Variants in LRRFIP2 observed in about 807,000 individuals in gnomAD.
The protein encoded by LRRFIP2 is leucine-rich repeat flightless-interacting protein 2.
A neutral mutation model predicts 125.9 loss-of-function variants in LRRFIP2; 109 were observed. The ratio of observed to expected loss-of-function variants is 0.87; its 90% CI spans 0.74 to 1.01. The LOEUF is 1.01. Among genes scored for constraint, LRRFIP2 ranks in the 50% least tolerant of loss-of-function variants. The pLI is 0.00. For missense variants in LRRFIP2, 850 were observed against 862.3 expected (o/e 0.99, Z 0.18); for synonymous variants, 291 against 293.1 (o/e 0.99, Z 0.07).
At chr3:37,165,692 T>G (rs1004529441) in intron 1 of LRRFIP2, among the ~76,000 whole-genome samples, 4 of 148,636 alleles carry the variant, frequency 2.7e-5, no homozygotes, top group Non-Finnish European at 5.9e-5. Flanking sequence ...GTGGTGGAGG[T>G]TGCAGTGAGC....
At chr3:37,146,350 G>C (rs2095855683) in intron 2 of LRRFIP2, among the ~76,000 whole-genome samples, 1 of 152,136 alleles carries the variant, frequency 6.6e-6, no homozygotes, top group South Asian at 2.1e-4. Flanking sequence ...AGGACCTGCA[G>C]GTTTGTTACA....
intron 19 of LRRFIP2, among the ~76,000 whole-genome samples, chr3:37,080,694 G>A (rs2149007165): frequency 6.6e-6 from 1 of 152,182 alleles, no homozygotes; most frequent in African/African-American, 2.4e-5. Flanking sequence ...ATACTATGGG[G>A]ACGAAAACGG....
At chr3:37,100,091 G>C (rs1396350784) in intron 15 of LRRFIP2, among the ~76,000 whole-genome samples, 2 of 152,102 alleles carry the variant, frequency 1.3e-5, no homozygotes, top group African/African-American at 4.8e-5. Context: ...TACTACTAGA[G>C]AAAGTTATTT....
chr3:37,075,285 A>C (rs901200882), intron 19 of LRRFIP2, among the ~76,000 whole-genome samples, 169 bp from the exon 20 acceptor site: 1 of 152,254 alleles, frequency 6.6e-6, no homozygotes, highest in Non-Finnish European at 1.5e-5. Flanking sequence ...AGAAAATTTT[A>C]AAATTCCATC....
At chr3:37,120,169 G>A (rs1020859598) in intron 6 of LRRFIP2, among the ~76,000 whole-genome samples, 1 of 146,910 alleles carries the variant, frequency 6.8e-6, no homozygotes, top group Non-Finnish European at 1.5e-5. Flanking sequence ...GTGCAATGGC[G>A]AATCTTGGCT....
In LRRFIP2 at chr3:37,121,561, G is replaced by A. The variant is rs372499789; in HGVS notation, c.286-25C>T. On this transcript the variant is annotated intron_variant, in intron 5 of 27. Transcript: ENST00000336686. ...CCTGATAAAAATGAAAATAAACACA[G>A]TAAAAGTTTGTGAGTGATTACATTA... 5.0e-5 allele frequency: 80 copies of A among 1,613,072 alleles called. No homozygotes were observed. The African/African-American group carries it at 9.7e-4, about 20-fold the overall frequency.
rs73824614 is a variant in LRRFIP2 at position 37,058,182 on chromosome 3, G to A, written c.1870+608C>T. On this transcript the variant is annotated intron_variant, in intron 25 of 27. Transcript: ENST00000336686. The stretch of plus-strand genomic sequence containing the variant: ...TGGATGTGGAAAAGGACAGTGCCAG[G>A]TTGTCAAAAGGCATTTCACTGTGTG... Among the ~76,000 whole-genome samples, 260 of 152,258 alleles carry A rather than the reference G, an allele frequency of 1.7e-3. 1 individual carries two copies. Among genetic ancestry groups the A allele is most frequent in the African/African-American group, 5.5e-3 (227 of 41,534 alleles).
At chr3:37,081,931 A>G (rs1642492898) in intron 19 of LRRFIP2, among the ~76,000 whole-genome samples, 1 of 151,728 alleles carries the variant, frequency 6.6e-6, no homozygotes, top group African/African-American at 2.4e-5. Context: ...TAAGAAAACA[A>G]CTCTATGCAT....
At chr3:37,103,657 C>G (rs2094181237) in intron 14 of LRRFIP2, among the ~76,000 whole-genome samples, 1 of 152,138 alleles carries the variant, frequency 6.6e-6, no homozygotes, top group Non-Finnish European at 1.5e-5. Context: ...GGTCTCAGCT[C>G]AAAGGTCAGT....
chr3:37,056,039 C>T (rs1257813726), intron 25 of LRRFIP2, among the ~76,000 whole-genome samples: 1 of 152,106 alleles, frequency 6.6e-6, no homozygotes, highest in Non-Finnish European at 1.5e-5. Context: ...TTTTAAACAT[C>T]GTATGTGTAA....
chr3:37,071,414 G>C (rs2091160005), intron 21 of LRRFIP2, among the ~76,000 whole-genome samples: 1 of 152,108 alleles, frequency 6.6e-6, no homozygotes, highest in East Asian at 1.9e-4. Flanking sequence ...GTCTCACTAT[G>C]TTGCCCAAGC....
In LRRFIP2 at chr3:37,106,552, A is replaced by T. The variant is rs568007068; in HGVS notation, c.715-1029T>A. Among the ~76,000 whole-genome samples the T allele has an allele frequency of 1.7e-4, 26 of 152,360 alleles. 1 individual carries two copies. The South Asian group carries it at 3.3e-3, about 19-fold the overall frequency. On this transcript the variant is annotated intron_variant, in intron 13 of 27. Transcript: ENST00000336686. ...GCTGGGTACAGTAATACACACCTGC[A>T]GTCCCAGCTACTCAGGAGGCTGAGG... is the stretch of plus-strand genomic sequence containing the variant.
chr3:37,134,612 T>C (rs2095511413), intron 2 of LRRFIP2: 5 of 569,874 alleles, frequency 8.8e-6, no homozygotes, highest in African/African-American at 1.9e-5. Context: ...GCCAGACTTT[T>C]GAGCACATAC....
chr3:37,142,590 G>A (rs1241673275), intron 2 of LRRFIP2, among the ~76,000 whole-genome samples: 1 of 151,960 alleles, frequency 6.6e-6, no homozygotes, highest in Non-Finnish European at 1.5e-5. Context: ...AATGTCTACA[G>A]TGAAAGACTT....
intron 21 of LRRFIP2, chr3:37,068,132 T>C (rs1425436859): frequency 2.0e-5 from 3 of 152,230 alleles, no homozygotes; most frequent in Non-Finnish European, 2.9e-5. Context: ...ATGTTAATAA[T>C]TAATAATAAC....
intron 1 of LRRFIP2, among the ~76,000 whole-genome samples, chr3:37,159,878 G>A (rs1284496403): frequency 6.7e-6 from 1 of 150,308 alleles, no homozygotes; most frequent in Non-Finnish European, 1.5e-5. Context: ...AAAGGCAGCT[G>A]GGGTTTTGAC....
chr3:37,091,976 A>G (rs2093467329), intron 17 of LRRFIP2, among the ~76,000 whole-genome samples: 1 of 152,216 alleles, frequency 6.6e-6, no homozygotes, highest in East Asian at 1.9e-4. Flanking sequence ...TGATTCATGC[A>G]AAAGTTTTTT....
intron 1 of LRRFIP2, among the ~76,000 whole-genome samples, chr3:37,159,560 G>A (rs1180307443): frequency 6.6e-6 from 1 of 152,036 alleles, no homozygotes; most frequent in African/African-American, 2.4e-5. Context: ...AGGTTGGAGT[G>A]CAGTGGTGCG....
chr3:37,082,311 T>G (rs951971299), intron 19 of LRRFIP2, among the ~76,000 whole-genome samples: 12 of 152,202 alleles, frequency 7.9e-5, no homozygotes, highest in African/African-American at 2.2e-4. Context: ...CAGTCCAATA[T>G]GAAAACAACT....
Sources: gnomAD v4.1 joint callset for allele counts (sites outside exome capture counted in the v4.1 genomes callset) on GRCh38, gnomAD v4.1.1 for gene constraint, MANE v1.5 for transcripts, NCBI Gene and HGNC (gene_info 2026-07-23, HGNC 2026-07-21) for gene names.